Variants in IL23A observed in about 807,000 individuals in gnomAD.
IL23A encodes interleukin 23 subunit alpha, also known as interleukin-23 subunit alpha.
Under a neutral mutation model 20.7 loss-of-function variants are expected in IL23A, and 16 were observed. The observed-to-expected ratio is 0.77, with a 90% CI of 0.52 to 1.17. The LOEUF is 1.17. Ranked by LOEUF, IL23A falls within the 50% of genes most tolerant of loss-of-function variation. IL23A has a pLI of 0.00. For missense variants in IL23A, 175 were observed against 229.5 expected (o/e 0.76, Z 1.53); for synonymous variants, 80 against 88.7 (o/e 0.90, Z 0.55).
At position 56,340,280 on chromosome 12, in the gene IL23A, T is replaced by C. The variant is rs1275456286; in HGVS notation, c.*176T>C. The C allele has an allele frequency of 2.0e-5, 13 of 639,676 alleles. No homozygotes were observed. Among genetic ancestry groups the C allele is most frequent in the Non-Finnish European group, 2.6e-5 (10 of 383,800 alleles). 39.6% of individuals were successfully genotyped at this position (639,676 alleles called of 1,614,324 possible). A position where few individuals can be genotyped will look rare whatever the true frequency, so the allele number is the denominator to read the frequency against. Reference sequence around the variant, plus strand: ...CATGTGATGCTGACCTATGATAAGGTTGAGTATTTATTAGATGGGAAGGGA... The same window carrying C: ...CATGTGATGCTGACCTATGATAAGGCTGAGTATTTATTAGATGGGAAGGGA... On this transcript the variant is annotated 3_prime_UTR_variant, in exon 4 of 4. Transcript: ENST00000228534.
chr12:56,339,845 G>T lies in IL23A; in HGVS notation c.408+8G>T. 6.2e-7 allele frequency: 1 copy of T among 1,611,972 alleles called. No individual in the cohort carries two copies. Among genetic ancestry groups the T allele is most frequent in the Non-Finnish European group, 8.5e-7 (1 of 1,178,762 alleles). On this transcript the variant is annotated splice_region_variant and intron_variant, in intron 3 of 3. Coordinates refer to ENST00000228534, the MANE Select transcript of IL23A (RefSeq NM_016584.3). Reference sequence around the variant, plus strand: ...CTCAGCCAACTCCTGCAGGTATGAAGTAGGGGCGTGGAGGATGGGGGCTTG... The same window carrying T: ...CTCAGCCAACTCCTGCAGGTATGAATTAGGGGCGTGGAGGATGGGGGCTTG...
rs1424307233 is a variant in IL23A, at chr12:56,339,801, T to A, written c.372T>A (p.Leu124=). The A allele has an allele frequency of 3.1e-6, 5 of 1,613,710 alleles. No homozygotes were observed. The highest frequency in any genetic ancestry group is 4.2e-6 in the Non-Finnish European group (5 of 1,179,884). ...SLLPDSPVGQ[L]HASLLGLSQL... ...TCCCTGATAGCCCTGTGGGCCAGCT[T>A]CATGCCTCCCTACTGGGCCTCAGCC... Residue 124 remains leucine (L), a synonymous_variant, in exon 3 of 4, where the codon CTT becomes CTA. Coordinates refer to ENST00000228534, the MANE Select transcript of IL23A (RefSeq NM_016584.3).
rs199575492 is a variant in IL23A, at chr12:56,340,033, C to T, written c.499C>T (p.Arg167Cys). 14 of 1,614,218 alleles carry T rather than the reference C, an allele frequency of 8.7e-6. No homozygotes were observed. Among genetic ancestry groups the T allele is most frequent in the African/African-American group, 2.7e-5 (2 of 75,058 alleles). Residue 167 changes from arginine (R) to cysteine (C), a missense_variant, in exon 4 of 4, where the codon CGC becomes TGC. By Grantham distance (180) the Arg-to-Cys change is radical. Coordinates refer to ENST00000228534, the MANE Select transcript of IL23A (RefSeq NM_016584.3). ...TCTCCTTCTCCGCTTCAAAATCCTT[C>T]GCAGCCTCCAGGCCTTTGTGGCTGT... ...QRLLLRFKILRSLQAFVAVAA... is the reference protein window; with the variant it reads ...QRLLLRFKILCSLQAFVAVAA...
At position 56,339,497 on chromosome 12, in the gene IL23A, C is replaced by A; in HGVS notation, c.234C>A (p.Asp78Glu). The A allele has an allele frequency of 3.7e-6, 6 of 1,611,774 alleles. No homozygotes were observed. The highest frequency in any genetic ancestry group is 1.1e-5 in the South Asian group (1 of 91,038). Residue 78 changes from aspartate to glutamate, a missense_variant, in exon 2 of 4, where the codon GAC becomes GAA. Asp to Glu is a conservative substitution (Grantham distance 45). Transcript: ENST00000228534. ...VPHIQCGDGC[D>E]PQGLRDNSQF... ...ATATCCAGTGTGGAGATGGCTGTGA[C>A]CCCCAAGGACTCAGGGACAACAGTC...
intron 2 of IL23A, 70 bp downstream of exon 2, chr12:56,339,594 C>T: frequency 6.3e-7 from 1 of 1,593,652 alleles, no homozygotes; most frequent in East Asian, 2.2e-5. Context: ...CATGGTAAAC[C>T]AGAAGTTGTG....
In IL23A at chr12:56,340,159, A is replaced by C; in HGVS notation, c.*55A>C. ...CTCCATGGCCCAGCAAGGCCAAGATAAATCTACCACCCCAGGCACCTGTGA... is the reference window on the plus strand; with the variant it reads ...CTCCATGGCCCAGCAAGGCCAAGATCAATCTACCACCCCAGGCACCTGTGA... On this transcript the variant is annotated 3_prime_UTR_variant, in exon 4 of 4. Transcript: ENST00000228534. 1 of 1,570,752 alleles carries C rather than the reference A, an allele frequency of 6.4e-7. No homozygotes were observed. Among genetic ancestry groups the C allele is most frequent in the Non-Finnish European group, 8.7e-7 (1 of 1,151,834 alleles).
At position 56,340,034 on chromosome 12, in the gene IL23A, G is replaced by A. The variant is rs755787916; in HGVS notation, c.500G>A (p.Arg167His). The stretch of plus-strand genomic sequence containing the variant: ...CTCCTTCTCCGCTTCAAAATCCTTC[G>A]CAGCCTCCAGGCCTTTGTGGCTGTA... ...QRLLLRFKIL[R>H]SLQAFVAVAA... The change falls in exon 4 of 4, where the codon CGC (arginine) becomes CAC (histidine). Residue 167 changes from arginine to histidine, a missense_variant. Transcript: ENST00000228534. 43 of 1,614,026 alleles carry A rather than the reference G, an allele frequency of 2.7e-5. No homozygotes were observed. Among genetic ancestry groups the A allele is most frequent in the South Asian group, 9.9e-5 (9 of 91,086 alleles).
chr12:56,339,626 G>A, intron 2 of IL23A, 65 bp from the exon 3 acceptor site: 1 of 1,603,478 alleles, frequency 6.2e-7, no homozygotes, highest in Non-Finnish European at 8.5e-7. Flanking sequence ...TAAGAAACTG[G>A]GTGAGTCTTC....
chr12:56,339,328 A>G, intron 1 of IL23A, 98 bp from the exon 2 acceptor site: 1 of 1,374,586 alleles, frequency 7.3e-7, no homozygotes, highest in African/African-American at 1.4e-5. Flanking sequence ...AGGACAAGAG[A>G]GTAGGGTTCC....
In IL23A at chr12:56,340,407, G is replaced by C. The variant is rs1876459127; in HGVS notation, c.*303G>C. On this transcript the variant is annotated 3_prime_UTR_variant, in exon 4 of 4. Coordinates refer to ENST00000228534, the MANE Select transcript of IL23A (RefSeq NM_016584.3). The stretch of plus-strand genomic sequence containing the variant: ...TTTTCAATAAAGTCTTATTTTTGTG[G>C]CTATATGAGTCTAATTTCTAGGCTC... 7.4e-6 allele frequency: 2 copies of C among 269,446 alleles called. No homozygotes were observed. The highest frequency in any genetic ancestry group is 7.0e-6 in the Non-Finnish European group (1 of 142,408). The allele number at this position is 269,446 out of a possible 1,614,324, so 16.7% of individuals were successfully genotyped here. A position where few individuals can be genotyped will look rare whatever the true frequency, so the allele number is the denominator to read the frequency against.
At chr12:56,339,631 G>C (rs1386482542) in intron 2 of IL23A, 60 bp from the exon 3 acceptor site, 1 of 1,605,776 alleles carries the variant, frequency 6.2e-7, no homozygotes, top group African/African-American at 1.3e-5. Context: ...AACTGGGTGA[G>C]TCTTCAGTGA....
rs748125861 is a variant in IL23A, at chr12:56,339,176, C to T, written c.132C>T (p.Ala44=). The T allele has an allele frequency of 3.4e-5, 53 of 1,555,280 alleles. No individual in the cohort carries two copies. Among genetic ancestry groups the T allele is most frequent in the Non-Finnish European group, 4.5e-5 (52 of 1,150,562 alleles). ...TTTCACAGAAGCTCTGCACACTGGC[C>T]TGGAGTGCACATCCACTAGTGGGAC... The part of the protein sequence containing the change: ...QQLSQKLCTL[A]WSAHPLVGHM... Residue 44 remains alanine (A), a synonymous_variant, in exon 1 of 4, where the codon GCC becomes GCT. Transcript: ENST00000228534.
At position 56,338,952 on chromosome 12, in the gene IL23A, G is replaced by T; in HGVS notation, c.-93G>T. On this transcript the variant is annotated 5_prime_UTR_variant, in exon 1 of 4. Coordinates refer to ENST00000228534, the MANE Select transcript of IL23A (RefSeq NM_016584.3). ...AAACCAGAGACGCGCTGAACAGAGA[G>T]AATCAGGCTCAAAGCAAGTGGAAGT... 1 of 1,084,738 alleles carries T rather than the reference G, an allele frequency of 9.2e-7. No homozygotes were observed. Among genetic ancestry groups the T allele is most frequent in the Non-Finnish European group, 1.2e-6 (1 of 816,972 alleles). The allele number at this position is 1,084,738 out of a possible 1,614,324, so 67.2% of individuals were successfully genotyped here. A position where few individuals can be genotyped will look rare whatever the true frequency, so the allele number is the denominator to read the frequency against.
In IL23A at chr12:56,339,173, G is replaced by T; in HGVS notation, c.129G>T (p.Leu43=). 6.4e-7 allele frequency: 1 copy of T among 1,557,838 alleles called. No individual in the cohort carries two copies. Among genetic ancestry groups the T allele is most frequent in the Non-Finnish European group, 8.7e-7 (1 of 1,151,362 alleles). The change falls in exon 1 of 4, where the codon CTG becomes CTT. Residue 43 remains leucine (L), a synonymous_variant. Transcript: ENST00000228534. ...AGCTTTCACAGAAGCTCTGCACACT[G>T]GCCTGGAGTGCACATCCACTAGTGG... ...CQQLSQKLCT[L]AWSAHPLVGH... is the part of the protein sequence containing the mutation.
rs1876446172 is a variant in IL23A at position 56,340,153 on chromosome 12, C to G, written c.*49C>G. The G allele has an allele frequency of 7.0e-6, 11 of 1,579,822 alleles. No homozygotes were observed. The highest frequency in any genetic ancestry group is 9.5e-6 in the Non-Finnish European group (11 of 1,158,902). ...TCAGATCTCCATGGCCCAGCAAGGC[C>G]AAGATAAATCTACCACCCCAGGCAC... On this transcript the variant is annotated 3_prime_UTR_variant, in exon 4 of 4. Transcript: ENST00000228534.
rs949479241 is a variant in IL23A, at chr12:56,339,693, C to G, written c.264C>G (p.Phe88Leu). Residue 88 changes from phenylalanine (F) to leucine (L), a missense_variant and splice_region_variant, in exon 3 of 4, where the codon TTC becomes TTG. Coordinates refer to ENST00000228534, the MANE Select transcript of IL23A (RefSeq NM_016584.3). ...DPQGLRDNSQFCLQRIHQGLI... is the reference protein window; with the variant it reads ...DPQGLRDNSQLCLQRIHQGLI... ...TCATTGCTTTCTTTTCTCCCTAGTT[C>G]TGCTTGCAAAGGATCCACCAGGGTC... 1.2e-6 allele frequency: 2 copies of G among 1,613,446 alleles called. No homozygotes were observed. The highest frequency in any genetic ancestry group is 2.2e-5 in the East Asian group (1 of 44,868).
In IL23A at chr12:56,339,836, A is replaced by C; in HGVS notation, c.407A>C (p.Gln136Pro). Reference sequence around the variant, plus strand: ...CTACTGGGCCTCAGCCAACTCCTGCAGGTATGAAGTAGGGGCGTGGAGGAT... The same window carrying C: ...CTACTGGGCCTCAGCCAACTCCTGCCGGTATGAAGTAGGGGCGTGGAGGAT... Reference protein sequence around the residue: ...ASLLGLSQLLQPEGHHWETQQ... With the variant: ...ASLLGLSQLLPPEGHHWETQQ... The change falls in exon 3 of 4, where the codon CAG becomes CCG. Residue 136 changes from glutamine (Q) to proline (P), a missense_variant and splice_region_variant. Transcript: ENST00000228534. 6.2e-7 allele frequency: 1 copy of C among 1,612,562 alleles called. No homozygotes were observed. Among genetic ancestry groups the C allele is most frequent in the African/African-American group, 1.3e-5 (1 of 74,940 alleles).
chr12:56,340,074 T>C lies in IL23A; in HGVS notation c.540T>C (p.Phe180=). The part of the protein sequence containing the change: ...QAFVAVAARV[F]AHGAATLSP Reference sequence around the variant, plus strand: ...TTGTGGCTGTAGCCGCCCGGGTCTTTGCCCATGGAGCAGCAACCCTGAGTC... The same window carrying C: ...TTGTGGCTGTAGCCGCCCGGGTCTTCGCCCATGGAGCAGCAACCCTGAGTC... The change falls in exon 4 of 4, where the codon TTT becomes TTC. Residue 180 remains phenylalanine, a synonymous_variant. Transcript: ENST00000228534. The C allele has an allele frequency of 1.9e-6, 3 of 1,614,186 alleles. No individual in the cohort carries two copies. The highest frequency in any genetic ancestry group is 1.7e-6 in the Non-Finnish European group (2 of 1,180,040).
rs1381147398 is a variant in IL23A, at chr12:56,340,168, A to C, written c.*64A>C. On this transcript the variant is annotated 3_prime_UTR_variant, in exon 4 of 4. Transcript: ENST00000228534. ...CCAGCAAGGCCAAGATAAATCTACC[A>C]CCCCAGGCACCTGTGAGCCAACAGG... 3.7e-5 allele frequency: 57 copies of C among 1,526,998 alleles called. No homozygotes were observed. In the South Asian group the frequency reaches 6.5e-4, roughly 18 times the overall value. The allele number at this position is 1,526,998 out of a possible 1,614,324, so 94.6% of individuals were successfully genotyped here. A position where few individuals can be genotyped will look rare whatever the true frequency, so the allele number is the denominator to read the frequency against.
Sources: allele counts gnomAD v4.1 joint callset, GRCh38; gene constraint gnomAD v4.1.1; transcripts MANE v1.5; gene names NCBI Gene and HGNC (gene_info 2026-07-23, HGNC 2026-07-21).